The following TENM1 variants were observed in gnomAD, a reference collection of about 807,000 sequenced individuals.
TENM1 encodes teneurin transmembrane protein 1.
In TENM1, 35 loss-of-function variants were observed where a neutral mutation model predicts 174.8. The observed-to-expected ratio is 0.20, with a 90% CI of 0.15 to 0.27. The LOEUF (loss-of-function observed/expected upper bound fraction) is 0.27. TENM1 is among the 10% of genes least tolerant of loss of function. TENM1 has a pLI of 1.00. For synonymous variants in TENM1, 781 were observed against 798.7 expected (o/e 0.98, Z 0.37); for missense variants, 1,633 against 2,130.1 (o/e 0.77, Z 4.59).
the TENM1 span, among the ~76,000 whole-genome samples, chrX:124,989,776 T>A: frequency 9.0e-6 from 1 of 111,114 alleles, no homozygotes; most frequent in Admixed American, 9.6e-5. Context: ...ATGAGACATA[T>A]GAGATATATT....
At chrX:125,094,025 T>C in the TENM1 span, among the ~76,000 whole-genome samples, 2 of 112,321 alleles carry the variant, frequency 1.8e-5, no homozygotes, top group African/African-American at 6.5e-5. Context: ...TACCACAAGG[T>C]GCCACCTTCA....
intron 15 of TENM1, among the ~76,000 whole-genome samples, chrX:124,539,135 T>G (rs2048266926): frequency 8.9e-6 from 1 of 111,875 alleles, no homozygotes; most frequent in Non-Finnish European, 1.9e-5. Flanking sequence ...ACTTTTCCAT[T>G]GCACATTATG....
At chrX:124,928,714 T>C (rs967802614) in intron 1 of TENM1, among the ~76,000 whole-genome samples, 1 of 111,479 alleles carries the variant, frequency 9.0e-6, no homozygotes, top group South Asian at 3.8e-4. Context: ...CCTTGAAGGG[T>C]GAAATTGAAG....
chrX:124,887,699 C>T (rs189068012), intron 3 of TENM1, among the ~76,000 whole-genome samples: 55 of 110,995 alleles, frequency 5.0e-4, no homozygotes, highest in African/African-American at 1.6e-3. Flanking sequence ...TAAAGTAATC[C>T]CAATCACTTC....
chrX:125,031,547 C>T, the TENM1 span, among the ~76,000 whole-genome samples: 1 of 111,867 alleles, frequency 8.9e-6, no homozygotes, highest in African/African-American at 3.2e-5. Flanking sequence ...TGCAGATGTG[C>T]AGATTCGTTA....
Position 124,823,907 on chromosome X carries a change from T to C in TENM1, c.535+70389A>G, listed in dbSNP as rs559292677. On this transcript the variant is annotated intron_variant, in intron 3 of 31. Transcript: ENST00000422452. ...AACTATGTTTTTCAAGAAATTATGA[T>C]CATCACATAGATACTGTTTTATTAC... is the stretch of plus-strand genomic sequence containing the variant. Among the ~76,000 whole-genome samples, 32 of 111,610 alleles carry C rather than the reference T, an allele frequency of 2.9e-4. No homozygotes were observed. In the South Asian group the frequency reaches 0.011, roughly 38 times the overall value.
At chrX:125,094,900 T>A in the TENM1 span, among the ~76,000 whole-genome samples, 7 of 112,337 alleles carry the variant, frequency 6.2e-5, no homozygotes, top group East Asian at 2.0e-3. Context: ...GTTTTTCTTA[T>A]AGATAAAACT....
chrX:124,866,555 G>C (rs1215260126), intron 3 of TENM1, among the ~76,000 whole-genome samples: 1 of 111,105 alleles, frequency 9.0e-6, no homozygotes, highest in Non-Finnish European at 1.9e-5. Flanking sequence ...CATCAAAAAA[G>C]AGGAGAAACT....
chrX:124,523,749 T>C (rs2047909525), intron 16 of TENM1, 124 bp from the exon 20 acceptor site: 2 of 678,885 alleles, frequency 2.9e-6, no homozygotes, highest in South Asian at 3.0e-5. Context: ...ACTTGTATTG[T>C]CTATTTTATA....
intron 5 of TENM1, among the ~76,000 whole-genome samples, chrX:124,686,160 C>T (rs1445001645): frequency 1.8e-5 from 2 of 110,177 alleles, no homozygotes; most frequent in African/African-American, 6.7e-5. Flanking sequence ...GTGGATTTCT[C>T]GGCAGAAACT....
chrX:124,755,245 G>A (rs1372161532), intron 3 of TENM1, among the ~76,000 whole-genome samples: 4 of 109,282 alleles, frequency 3.7e-5, no homozygotes, highest in African/African-American at 1.0e-4. Context: ...TTATGTAATG[G>A]CCTTCTTTGT....
chrX:124,384,458 T>C (rs754173391), exon 30 of TENM1: 9 of 1,210,782 alleles, frequency 7.4e-6, no homozygotes, highest in East Asian at 3.0e-5. Context: ...ATCGTATTCA[T>C]AGAAGTACCT....
At chrX:124,398,513 A>T (rs1473156544) in intron 27 of TENM1, among the ~76,000 whole-genome samples, 2 of 111,661 alleles carry the variant, frequency 1.8e-5, no homozygotes, top group Admixed American at 1.9e-4. Context: ...AGAGAACTAA[A>T]CTTACTTTTA....
rs1379972538 is a variant in TENM1 at position 124,533,864 on chromosome X, TTC to T, written c.2652-3883_2652-3882del. Among the ~76,000 whole-genome samples the T allele has an allele frequency of 2.7e-5, 3 of 111,135 alleles. No homozygotes were observed. The East Asian group carries it at 8.5e-4, about 32-fold the overall frequency. On this transcript the variant is annotated intron_variant, in intron 15 of 31. Coordinates refer to ENST00000422452, the Ensembl canonical transcript of TENM1. ...CGCTCAACGGCAGGCATTGCATACT[TTC>T]TGTCTTTGCTTGGGCTCTCCTTTGA...
chrX:124,430,051 C>T (rs183395605), intron 23 of TENM1, among the ~76,000 whole-genome samples: 1 of 111,412 alleles, frequency 9.0e-6, no homozygotes, highest in East Asian at 2.8e-4. Context: ...ACTTAGGCTG[C>T]ATTTTGGGGG....
intron 1 of TENM1, among the ~76,000 whole-genome samples, chrX:124,961,413 G>A (rs1036690348): frequency 8.1e-5 from 9 of 111,192 alleles, no homozygotes; most frequent in Admixed American, 2.9e-4. Context: ...AGGCCGAGGC[G>A]GGCAGATCAC....
intron 11 of TENM1, among the ~76,000 whole-genome samples, chrX:124,574,999 CTG>C (rs2049134332): frequency 8.9e-6 from 1 of 112,231 alleles, no homozygotes. Flanking sequence ...CTATAAGTCA[CTG>C]TTAACTTTAT....
At chrX:124,561,324 T>C (rs1362275541) in intron 14 of TENM1, among the ~76,000 whole-genome samples, 2 of 111,093 alleles carry the variant, frequency 1.8e-5, no homozygotes, top group African/African-American at 6.6e-5. Flanking sequence ...GCTCTGCTAC[T>C]CTCTAGCTAT....
chrX:125,147,064 CTTA>C, the TENM1 span, among the ~76,000 whole-genome samples: 2 of 108,054 alleles, frequency 1.9e-5, no homozygotes, highest in Admixed American at 2.0e-4. Context: ...GTATATATAT[CTTA>C]TTTTTATACA....
Sources: allele counts gnomAD v4.1 joint callset (sites outside exome capture counted in the v4.1 genomes callset), GRCh38; gene constraint gnomAD v4.1.1; transcripts MANE v1.5; gene names NCBI Gene and HGNC (gene_info 2026-07-23, HGNC 2026-07-21).